The following RAB27A variants were observed in gnomAD, a reference collection of about 807,000 sequenced individuals.
RAB27A encodes ras-related protein Rab-27A.
A neutral mutation model predicts 20.8 loss-of-function variants in RAB27A; 17 were observed. That is an observed-to-expected ratio of 0.82 (90% CI 0.56 to 1.23). RAB27A has a LOEUF of 1.23. Ranked by LOEUF, RAB27A falls within the 50% of genes most tolerant of loss-of-function variation. RAB27A has a pLI of 0.00. For synonymous variants in RAB27A, 85 were observed against 92.8 expected, an observed-to-expected ratio of 0.92 and a Z score of 0.48; for missense variants, 277 against 266.7, an observed-to-expected ratio of 1.04 and a Z score of -0.27.
chr15:55,206,554 G>T (rs1312823806), intron 6 of RAB27A, among the ~76,000 whole-genome samples: 2 of 152,046 alleles, frequency 1.3e-5, no homozygotes, highest in African/African-American at 4.8e-5. Context: ...TGTTGCCCAG[G>T]CTGGTTTCGA....
At chr15:55,248,888 A>G (rs1356129748) in intron 2 of RAB27A, 1 of 151,004 alleles carries the variant, frequency 6.6e-6, no homozygotes, top group Non-Finnish European at 1.5e-5. Context: ...TATTTACAAC[A>G]CATGTTTAAA....
At chr15:55,303,760 G>A (rs1438901166) in intron 2 of RAB27A, among the ~76,000 whole-genome samples, 4 of 136,270 alleles carry the variant, frequency 2.9e-5, no homozygotes, top group South Asian at 2.4e-4. Flanking sequence ...CCCTCTGCCC[G>A]GCCAGCCGCC....
chr15:55,309,953 T>C (rs2055013252), intron 2 of RAB27A, among the ~76,000 whole-genome samples: 1 of 151,876 alleles, frequency 6.6e-6, no homozygotes, highest in Non-Finnish European at 1.5e-5. Context: ...GGAGGCAGAA[T>C]CCTTTAGTTT....
rs188679323 is a variant in RAB27A, at chr15:55,299,486, C to T, written c.-112+14553G>A. On this transcript the variant is annotated intron_variant, in intron 2 of 5. Coordinates refer to the RAB27A transcript ENST00000563262. The stretch of plus-strand genomic sequence containing the variant: ...GCTCACACCTGTAATCCCAGCTACT[C>T]GGAAGGCTGAGGCAGGAGAATTGCT... 1.1e-3 allele frequency among the ~76,000 whole-genome samples: 169 copies of T among 151,486 alleles called. 1 individual carries two copies. The highest frequency in any genetic ancestry group is 3.8e-3 in the African/African-American group (158 of 41,316).
intron 3 of RAB27A, among the ~76,000 whole-genome samples, chr15:55,232,700 A>C (rs1896080644): frequency 6.6e-6 from 1 of 152,258 alleles, no homozygotes; most frequent in African/African-American, 2.4e-5. Flanking sequence ...AGCTGAAAGG[A>C]AACTAGACAG....
intron 2 of RAB27A, among the ~76,000 whole-genome samples, chr15:55,296,882 A>T (rs981104208): frequency 2.0e-5 from 3 of 152,088 alleles, no homozygotes. Context: ...CCTGGCAGAA[A>T]CCTAGGTATG....
intron 2 of RAB27A, among the ~76,000 whole-genome samples, chr15:55,269,616 G>A (rs116931697): frequency 7.2e-5 from 11 of 151,892 alleles, no homozygotes; most frequent in African/African-American, 1.9e-4. Context: ...GCATGGTAGC[G>A]TGGGGTCCCA....
In RAB27A at chr15:55,209,796, GTATACATATATACACACATGTGTGTATA is replaced by G. The variant is rs577736958; in HGVS notation, c.468-4119_468-4092del. ...CATATATACACACATATGTGTGTAT[GTATACATATATACACACATGTGTGTATA>G]TATACATATATGTGTGTACACATAT... On this transcript the variant is annotated intron_variant, in intron 6 of 6. Coordinates refer to ENST00000336787, the MANE Select transcript of RAB27A (RefSeq NM_183235.3). 7.9e-4 allele frequency among the ~76,000 whole-genome samples: 99 copies of G among 125,342 alleles called. 6 individuals are homozygous for G. Among genetic ancestry groups the G allele is most frequent in the South Asian group, 2.1e-3 (9 of 4,234 alleles). 82.2% of individuals were successfully genotyped at this position (125,342 alleles called of 152,430 possible).
At chr15:55,314,998 C>T (rs561220138) in intron 1 of RAB27A, among the ~76,000 whole-genome samples, 1 of 152,302 alleles carries the variant, frequency 6.6e-6, no homozygotes, top group East Asian at 1.9e-4. Context: ...CATCAAGCTA[C>T]CTGACTTCAA....
At position 55,204,822 on chromosome 15, in the gene RAB27A, G is replaced by C. The variant is rs539254673; in HGVS notation, c.*685C>G. The C allele has an allele frequency of 6.5e-6, 1 of 152,924 alleles. No homozygotes were observed. The highest frequency in any genetic ancestry group is 2.4e-5 in the African/African-American group (1 of 41,512). The allele number at this position is 152,924 out of a possible 1,614,324, so 9.5% of individuals were successfully genotyped here. A position where few individuals can be genotyped will look rare whatever the true frequency, so the allele number is the denominator to read the frequency against. On this transcript the variant is annotated 3_prime_UTR_variant, in exon 7 of 7. Transcript: ENST00000336787. ...AGCGGGGAGACAGAAGTCCCACTTT[G>C]GTTGCTCATATTACATTAAGCCAGC...
chr15:55,283,383 CTG>C (rs755643227), intron 1 of RAB27A, among the ~76,000 whole-genome samples: 1 of 152,124 alleles, frequency 6.6e-6, no homozygotes, highest in African/African-American at 2.4e-5. Flanking sequence ...TGATTCCTGA[CTG>C]TGTTGATTCT....
chr15:55,213,501 T>C (rs1217765602), intron 6 of RAB27A, among the ~76,000 whole-genome samples: 1 of 152,114 alleles, frequency 6.6e-6, no homozygotes, highest in East Asian at 1.9e-4. Context: ...CTGGTACCAA[T>C]CCATGGCCTG....
At position 55,209,834 on chromosome 15, in the gene RAB27A, A is replaced by ATACACACG. The variant is rs1361162267; in HGVS notation, c.468-4130_468-4129insCGTGTGTA. Among the ~76,000 whole-genome samples, 389 of 119,392 alleles carry ATACACACG rather than the reference A, an allele frequency of 3.3e-3. 98 individuals are homozygous for ATACACACG. Among genetic ancestry groups the ATACACACG allele is most frequent in the African/African-American group, 0.017 (369 of 22,016 alleles). 78.3% of individuals were successfully genotyped at this position (119,392 alleles called of 152,430 possible). ...CACACATGTGTGTATATATACATAT[A>ATACACACG]TGTGTGTACACATATATGTGTGTAT... is the stretch of plus-strand genomic sequence containing the variant. On this transcript the variant is annotated intron_variant, in intron 6 of 6. Transcript: ENST00000336787.
intron 2 of RAB27A, among the ~76,000 whole-genome samples, chr15:55,299,487 G>A (rs149350059): frequency 0.022 from 3,306 of 151,900 alleles, 45 homozygotes; most frequent in Non-Finnish European, 0.034. Flanking sequence ...CCAGCTACTC[G>A]GAAGGCTGAG....
chr15:55,318,571 G>T (rs796585386), intron 1 of RAB27A, among the ~76,000 whole-genome samples: 1 of 150,984 alleles, frequency 6.6e-6, no homozygotes, highest in African/African-American at 2.4e-5. Flanking sequence ...AGGCGTGGTG[G>T]CGCGCCTGTA....
At chr15:55,293,693 G>A (rs542505079), upstream of RAB27A, among the ~76,000 whole-genome samples, 1 of 152,000 alleles carries the variant, frequency 6.6e-6, no homozygotes, top group African/African-American at 2.4e-5. Context: ...TGAGGCGGGT[G>A]GATTACCTGA....
chr15:55,271,534 C>T (rs1897704854), intron 1 of RAB27A, among the ~76,000 whole-genome samples: 1 of 152,238 alleles, frequency 6.6e-6, no homozygotes, highest in African/African-American at 2.4e-5. Context: ...CTCCTTGGCT[C>T]CTTGTGCCAG....
At chr15:55,252,258 T>C (rs1896917082) in intron 2 of RAB27A, among the ~76,000 whole-genome samples, 1 of 152,164 alleles carries the variant, frequency 6.6e-6, no homozygotes, top group African/African-American at 2.4e-5. Flanking sequence ...GGGTACAATG[T>C]ACACTATTCA....
chr15:55,300,298 C>A (rs1352313028), intron 2 of RAB27A, among the ~76,000 whole-genome samples: 1 of 151,992 alleles, frequency 6.6e-6, no homozygotes, highest in Non-Finnish European at 1.5e-5. Flanking sequence ...TCATGGGAAG[C>A]AAGTCGGGAG....
Sources: gnomAD v4.1 joint callset for allele counts (sites outside exome capture counted in the v4.1 genomes callset) on GRCh38, gnomAD v4.1.1 for gene constraint, MANE v1.5 for transcripts, NCBI Gene and HGNC (gene_info 2026-07-23, HGNC 2026-07-21) for gene names.